Variants in PLG observed in about 807,000 individuals in gnomAD.
PLG encodes the protein plasminogen.
PLG carries 41 observed loss-of-function variants against 104.4 expected under a neutral mutation model. The observed-to-expected ratio is 0.39, with a 90% CI of 0.31 to 0.51. PLG has a LOEUF of 0.51. Ranked by LOEUF, PLG falls within the 20% of genes least tolerant of loss-of-function variation. The pLI is 0.76. For synonymous variants in PLG, 337 were observed against 357.1 expected (o/e 0.94, Z 0.63); for missense variants, 891 against 1,003.6 (o/e 0.89, Z 1.52).
At chr6:160,712,057 T>A (rs555945098) in intron 4 of PLG, 2 of 372,118 alleles carry the variant, frequency 5.4e-6, no homozygotes, top group Non-Finnish European at 8.5e-6. Context: ...CTTTGCTATA[T>A]CCCTATGAGA....
In PLG at chr6:160,734,052, A is replaced by G; in HGVS notation, c.1645A>G (p.Arg549Gly). The stretch of plus-strand genomic sequence containing the variant: ...TCCCTGGTGCTACACGACAAATCCA[A>G]GAAAACTTTACGACTACTGTGATGT... ...GGPWCYTTNP[R>G]KLYDYCDVPQ... Residue 549 changes from arginine (R) to glycine (G), a missense_variant, in exon 13 of 19, where the codon AGA becomes GGA. This residue lies in a region of PLG where 854 missense variants were observed against 932.1 expected (regional missense o/e 0.92). Coordinates refer to ENST00000308192, the MANE Select transcript of PLG (RefSeq NM_000301.5). The surrounding 1 kb of genome is among the most constrained non-coding windows in gnomAD (Gnocchi z 4.4). The G allele has an allele frequency of 6.2e-7, 1 of 1,610,754 alleles. No homozygotes were observed.
At chr6:160,706,146 G>GTT (rs892804334) in intron 1 of PLG, 2 of 514,544 alleles carry the variant, frequency 3.9e-6, no homozygotes, top group Non-Finnish European at 7.2e-6. Flanking sequence ...TAAATAGGTA[G>GTT]TTTTTCAGCC....
rs753395776 is a variant in PLG at position 160,731,839 on chromosome 6, T to C, written c.1533T>C (p.His511=). Residue 511 remains histidine, a synonymous_variant, in exon 12 of 19, where the codon CAT becomes CAC. Transcript: ENST00000308192. This position sits in a 1 kb window ranked among gnomAD's most constrained non-coding sequence, Gnocchi z 5.1. ...AGGACTGGGCTGCCCAGGAGCCCCA[T>C]AGACACAGCATTTTCACTCCAGAGA... ...PCQDWAAQEP[H]RHSIFTPETN... is the part of the protein sequence containing the mutation. 1.5e-5 allele frequency: 24 copies of C among 1,614,006 alleles called. No individual in the cohort carries two copies. The highest frequency in any genetic ancestry group is 1.9e-5 in the Non-Finnish European group (23 of 1,180,008).
Position 160,738,312 on chromosome 6 carries a change from C to T in PLG, c.1803-226C>T. On this transcript the variant is annotated intron_variant, in intron 14 of 18. Transcript: ENST00000308192. This position sits in a 1 kb window ranked among gnomAD's most constrained non-coding sequence, Gnocchi z 6.8. ...CTCCTGTGGACAGGCCATGCCTGTG[C>T]CTCCCCCAAGCATCGGAAAAATTGG... 2 of 552,908 alleles carry T rather than the reference C, an allele frequency of 3.6e-6. No homozygotes were observed. The highest frequency in any genetic ancestry group is 3.3e-6 in the Non-Finnish European group (1 of 300,602). The allele number at this position is 552,908 out of a possible 1,614,324, so 34.3% of individuals were successfully genotyped here. A position where few individuals can be genotyped will look rare whatever the true frequency, so the allele number is the denominator to read the frequency against.
rs1777792157 is a variant in PLG at position 160,719,111 on chromosome 6, T to C, written c.1096+273T>C. 1.3e-5 allele frequency among the ~76,000 whole-genome samples: 2 copies of C among 152,176 alleles called. No individual in the cohort carries two copies. The highest frequency in any genetic ancestry group is 1.5e-5 in the Non-Finnish European group (1 of 68,024). Reference sequence around the variant, plus strand: ...TTCCCTCAAGGTCATTTAGGTGAAGTTGGTTGCTGGTGTTCTTCTGTATCC... The same window carrying C: ...TTCCCTCAAGGTCATTTAGGTGAAGCTGGTTGCTGGTGTTCTTCTGTATCC... On this transcript the variant is annotated intron_variant, in intron 9 of 18. Transcript: ENST00000308192. The surrounding 1 kb of genome is among the most constrained non-coding windows in gnomAD (Gnocchi z 4.1).
At position 160,722,047 on chromosome 6, in the gene PLG, C is replaced by G. The variant is rs538252278; in HGVS notation, c.1097-361C>G. On this transcript the variant is annotated intron_variant, in intron 9 of 18. Transcript: ENST00000308192. ...TGTGCAAAGCTTTCATGTCTGCCCC[C>G]CACTGACAGCCACTCACCACCCACA... 2.0e-5 allele frequency among the ~76,000 whole-genome samples: 3 copies of G among 152,256 alleles called. No individual in the cohort carries two copies. In the South Asian group the frequency reaches 6.2e-4, roughly 32 times the overall value.
chr6:160,710,172 A>G (rs1305327445), intron 3 of PLG, among the ~76,000 whole-genome samples: 1 of 152,238 alleles, frequency 6.6e-6, no homozygotes, highest in Non-Finnish European at 1.5e-5. Flanking sequence ...AGTCAACTAT[A>G]TGAGTGGATT....
chr6:160,722,719 A>T (rs1777856448), intron 10 of PLG, 152 bp downstream of exon 10: 2 of 721,268 alleles, frequency 2.8e-6, no homozygotes, highest in Admixed American at 5.1e-5. Flanking sequence ...CTTGCTTTTG[A>T]AGAAAGGGCC....
Position 160,716,700 on chromosome 6 carries a change from C to A in PLG, c.724C>A (p.Arg242=), listed in dbSNP as rs758158723. The A allele has an allele frequency of 1.2e-6, 2 of 1,613,686 alleles. No homozygotes were observed. Among genetic ancestry groups the A allele is most frequent in the South Asian group, 2.2e-5 (2 of 91,076 alleles). ...CTGTCGTAACCCCGATAGGGAGCTG[C>A]GGCCTTGGTGTTTCACCACCGACCC... ...NYCRNPDREL[R]PWCFTTDPNK... The change falls in exon 7 of 19, where the codon CGG becomes AGG. Residue 242 remains arginine (R), a synonymous_variant. Coordinates refer to ENST00000308192, the MANE Select transcript of PLG (RefSeq NM_000301.5).
Position 160,752,170 on chromosome 6 carries a change from A to C in PLG, c.2181A>C (p.Lys727Asn). Residue 727 changes from lysine to asparagine, a missense_variant, in exon 18 of 19, where the codon AAA (lysine) becomes AAC (asparagine). By Grantham distance (94) the Lys-to-Asn change is moderately conservative. Coordinates refer to ENST00000308192, the MANE Select transcript of PLG (RefSeq NM_000301.5). This position sits in a 1 kb window ranked among gnomAD's most constrained non-coding sequence, Gnocchi z 4.7. ...CCCAGCTCCCTGTGATTGAGAATAA[A>C]GTGTGCAATCGCTATGAGTTTCTGA... The part of the protein sequence containing the change: ...KEAQLPVIEN[K>N]VCNRYEFLNG... 2 of 1,611,506 alleles carry C rather than the reference A, an allele frequency of 1.2e-6. No homozygotes were observed. Among genetic ancestry groups the C allele is most frequent in the Non-Finnish European group, 1.7e-6 (2 of 1,177,560 alleles).
rs1389840330 is a variant in PLG at position 160,731,182 on chromosome 6, C to T, written c.1388C>T (p.Ala463Val). 1 of 1,614,036 alleles carries T rather than the reference C, an allele frequency of 6.2e-7. No individual in the cohort carries two copies. Among genetic ancestry groups the T allele is most frequent in the African/African-American group, 1.3e-5 (1 of 74,928 alleles). ...KCSGTEASVV[A>V]PPPVVLLPDV... is the part of the protein sequence containing the mutation. Reference sequence around the variant, plus strand: ...TCAGGAACAGAAGCGAGTGTTGTAGCACCTCCGCCTGTTGTCCTGCTTCCA... The same window carrying T: ...TCAGGAACAGAAGCGAGTGTTGTAGTACCTCCGCCTGTTGTCCTGCTTCCA... The change falls in exon 11 of 19, where the codon GCA becomes GTA. Residue 463 changes from alanine to valine, a missense_variant. Ala to Val is a moderately conservative substitution (Grantham distance 64, BLOSUM62 0). Transcript: ENST00000308192. This position sits in a 1 kb window ranked among gnomAD's most constrained non-coding sequence, Gnocchi z 5.1.
At chr6:160,702,861 C>T (rs535359539) in intron 1 of PLG, among the ~76,000 whole-genome samples, 2 of 152,284 alleles carry the variant, frequency 1.3e-5, no homozygotes, top group East Asian at 1.9e-4. Flanking sequence ...CATCAGTATA[C>T]GTTTGCCTCT....
At position 160,702,248 on chromosome 6, in the gene PLG, G is replaced by T. The variant is rs974911963; in HGVS notation, c.-57G>T. On this transcript the variant is annotated 5_prime_UTR_variant, in exon 1 of 19. Coordinates refer to ENST00000308192, the MANE Select transcript of PLG (RefSeq NM_000301.5). The stretch of plus-strand genomic sequence containing the variant: ...TGTGGATGCGTTTACTCTCATGTAA[G>T]TCAACAACATCCTGGGATTGGGACC... 1 of 1,602,352 alleles carries T rather than the reference G, an allele frequency of 6.2e-7. No homozygotes were observed. The highest frequency in any genetic ancestry group is 8.5e-7 in the Non-Finnish European group (1 of 1,174,674).
intron 2 of PLG, among the ~76,000 whole-genome samples, chr6:160,707,002 G>A (rs1462170308): frequency 6.6e-6 from 1 of 151,718 alleles, no homozygotes; most frequent in East Asian, 1.9e-4. Context: ...ATCAATGCAT[G>A]CTCTACCCAG....
rs1777795270 is a variant in PLG, at chr6:160,719,419, C to T, written c.1096+581C>T. Among the ~76,000 whole-genome samples, 2 of 152,126 alleles carry T rather than the reference C, an allele frequency of 1.3e-5. No homozygotes were observed. Among genetic ancestry groups the T allele is most frequent in the African/African-American group, 4.8e-5 (2 of 41,442 alleles). ...AAATACAGTCTCACAGCTCTATTTT[C>T]ACTAGTATTTGTGTGATATATCTTT... On this transcript the variant is annotated intron_variant, in intron 9 of 18. Transcript: ENST00000308192. This position sits in a 1 kb window ranked among gnomAD's most constrained non-coding sequence, Gnocchi z 4.1.
intron 17 of PLG, among the ~76,000 whole-genome samples, chr6:160,750,497 A>G (rs1778385068): frequency 6.6e-6 from 1 of 152,328 alleles, no homozygotes; most frequent in South Asian, 2.1e-4. Flanking sequence ...AATTTTCAGC[A>G]AAACATTTTG....
intron 3 of PLG, among the ~76,000 whole-genome samples, chr6:160,710,194 A>G (rs1189408041): frequency 3.3e-5 from 5 of 152,216 alleles, no homozygotes; most frequent in Admixed American, 3.3e-4. Context: ...CCCTCTGTGG[A>G]TTTGATAGCA....
Position 160,736,463 on chromosome 6 carries a change from A to G in PLG, c.1682-424A>G, listed in dbSNP as rs1778084310. On this transcript the variant is annotated intron_variant, in intron 13 of 18. Coordinates refer to ENST00000308192, the MANE Select transcript of PLG (RefSeq NM_000301.5). The surrounding 1 kb of genome is among the most constrained non-coding windows in gnomAD (Gnocchi z 5.2). The stretch of plus-strand genomic sequence containing the variant: ...TTTGTGCCTTTCAGCAGTGATGACA[A>G]TTATGGTTTTCAGTAAACTTTACAT... Among the ~76,000 whole-genome samples, 1 of 152,186 alleles carries G rather than the reference A, an allele frequency of 6.6e-6. No individual in the cohort carries two copies. Among genetic ancestry groups the G allele is most frequent in the Non-Finnish European group, 1.5e-5 (1 of 68,030 alleles).
chr6:160,730,188 T>C (rs543886956), intron 10 of PLG, among the ~76,000 whole-genome samples: 1 of 152,348 alleles, frequency 6.6e-6, no homozygotes, highest in African/African-American at 2.4e-5. Context: ...CTGCTTTGAC[T>C]ATTACTCCGT....
Sources: gnomAD v4.1 joint callset for allele counts (sites outside exome capture counted in the v4.1 genomes callset) on GRCh38, gnomAD v4.1.1 for gene constraint, gnomAD v4.1.1 regional missense constraint, Gnocchi (gnomAD v3.1) non-coding constraint, MANE v1.5 for transcripts, NCBI Gene and HGNC (gene_info 2026-07-23, HGNC 2026-07-21) for gene names.